SOX6: variants seen among roughly 807,000 people sequenced by gnomAD.
The protein encoded by SOX6 is transcription factor SOX-6.
A neutral mutation model predicts 97.8 loss-of-function variants in SOX6; 11 were observed. The ratio of observed to expected loss-of-function variants is 0.11; its 90% CI spans 0.07 to 0.19. The LOEUF (loss-of-function observed/expected upper bound fraction) is 0.19, where lower values mean the gene tolerates loss of function less well. SOX6 is among the 10% of genes least tolerant of loss of function. The pLI is 1.00. For missense variants in SOX6, 810 were observed against 1,039.5 expected (o/e 0.78, Z 3.04); for synonymous variants, 360 against 371.4 (o/e 0.97, Z 0.35).
chr11:16,114,514 T>C (rs1211260468), intron 6 of SOX6, among the ~76,000 whole-genome samples: 2 of 152,340 alleles, frequency 1.3e-5, no homozygotes, highest in East Asian at 3.9e-4. Context: ...CTTTCTTATA[T>C]GGTTTGCATA....
At chr11:16,234,445 A>G in intron 4 of SOX6, 137 bp downstream of exon 4, 1 of 561,280 alleles carries the variant, frequency 1.8e-6, no homozygotes, top group East Asian at 3.2e-5. Flanking sequence ...AGAAACCTAT[A>G]ATATTCACCC....
chr11:16,267,599 T>G (rs762172476), intron 3 of SOX6, among the ~76,000 whole-genome samples: 1 of 151,564 alleles, frequency 6.6e-6, no homozygotes, highest in Non-Finnish European at 1.5e-5. Context: ...TTAGTGGGTA[T>G]GTAAGTTAGT....
chr11:16,023,613 C>T lies in SOX6; in HGVS notation c.1624-8563G>A, dbSNP rs145113308. ...ATTATTATCACTAGAAAGGGCTCTC[C>T]AAGAAGAATTTTCCCTAAAATCTGA... On this transcript the variant is annotated intron_variant, in intron 12 of 15. Transcript: ENST00000683767. Among the ~76,000 whole-genome samples, 7 of 152,170 alleles carry T rather than the reference C, an allele frequency of 4.6e-5. No individual in the cohort carries two copies. The East Asian group carries it at 1.4e-3, about 29-fold the overall frequency.
chr11:16,525,341 A>C (rs1259810369), intron 4 of SOX6, among the ~76,000 whole-genome samples: 1 of 150,580 alleles, frequency 6.6e-6, no homozygotes. Flanking sequence ...ATCTACAACT[A>C]TCTGATCTTT....
chr11:16,376,460 T>A (rs1443382750), intron 1 of SOX6, among the ~76,000 whole-genome samples: 1 of 152,078 alleles, frequency 6.6e-6, no homozygotes, highest in Non-Finnish European at 1.5e-5. Flanking sequence ...CAAGACATAA[T>A]CCATGCATGT....
intron 4 of SOX6, among the ~76,000 whole-genome samples, chr11:16,201,973 T>G (rs1286946854): frequency 1.3e-5 from 2 of 152,128 alleles, no homozygotes; most frequent in African/African-American, 4.8e-5. Flanking sequence ...TTAAAATTCA[T>G]AGAAATAATA....
At chr11:16,469,813 A>G (rs1860107378) in intron 1 of SOX6, among the ~76,000 whole-genome samples, 2 of 152,092 alleles carry the variant, frequency 1.3e-5, no homozygotes. Flanking sequence ...AGCACTATTA[A>G]AAATATTTTT....
chr11:16,340,117 TTAAA>T (rs1355190190), intron 2 of SOX6, among the ~76,000 whole-genome samples: 1 of 152,086 alleles, frequency 6.6e-6, no homozygotes, highest in African/African-American at 2.4e-5. Flanking sequence ...AAATAAGAAT[TTAAA>T]TATGTGTTAT....
In SOX6 at chr11:16,608,940, A is replaced by G. The variant is rs539724697; in HGVS notation, n.609+3141T>C. On this transcript the variant is annotated intron_variant and non_coding_transcript_variant, in intron 4 of 5. Coordinates refer to the SOX6 transcript ENST00000524520. ...AAAACAGTTTCAGTCACCCAGGATG[A>G]CATATAAAAATGCCTAAGTCAGATG... Among the ~76,000 whole-genome samples, 14 of 152,318 alleles carry G rather than the reference A, an allele frequency of 9.2e-5. 1 individual carries two copies. In the South Asian group the frequency reaches 2.7e-3, roughly 29 times the overall value.
chr11:16,230,802 A>G (rs1852825148), intron 4 of SOX6, among the ~76,000 whole-genome samples: 2 of 151,758 alleles, frequency 1.3e-5, no homozygotes, highest in Non-Finnish European at 3.0e-5. Context: ...AAGGATACTA[A>G]AGTTACAGTG....
intron 3 of SOX6, among the ~76,000 whole-genome samples, chr11:16,662,367 A>G (rs1213971855): frequency 6.6e-6 from 1 of 152,172 alleles, no homozygotes; most frequent in Non-Finnish European, 1.5e-5. Flanking sequence ...AAAGAATTCA[A>G]TGTAATTCTT....
chr11:16,139,333 T>C (rs1284579436), intron 6 of SOX6, among the ~76,000 whole-genome samples: 1 of 152,236 alleles, frequency 6.6e-6, no homozygotes, highest in East Asian at 1.9e-4. Flanking sequence ...ATTATTACTA[T>C]GATGGTTGCC....
At chr11:16,302,896 T>C (rs1325752425) in intron 3 of SOX6, among the ~76,000 whole-genome samples, 1 of 152,104 alleles carries the variant, frequency 6.6e-6, no homozygotes, top group Non-Finnish European at 1.5e-5. Context: ...CAACACAGCA[T>C]TTTATAGCTT....
intron 10 of SOX6, among the ~76,000 whole-genome samples, chr11:16,055,288 G>A (rs192787919): frequency 2.0e-4 from 31 of 151,980 alleles, no homozygotes; most frequent in African/African-American, 6.3e-4. Flanking sequence ...TTGAATGAGA[G>A]ATCTTCATCA....
chr11:16,318,140 A>G, intron 3 of SOX6: 1 of 407,050 alleles, frequency 2.5e-6, no homozygotes, highest in Non-Finnish European at 4.5e-6. Flanking sequence ...TGAAAAATAA[A>G]GTTGCAGTTA....
intron 3 of SOX6, among the ~76,000 whole-genome samples, chr11:16,649,964 A>G (rs969972432): frequency 6.6e-6 from 1 of 152,238 alleles, no homozygotes; most frequent in Non-Finnish European, 1.5e-5. Context: ...AATGAAAACC[A>G]AAAGTGAGCA....
At chr11:16,734,026 CAAAAAAAAAA>C (rs912566097) in intron 2 of SOX6, among the ~76,000 whole-genome samples, 4 of 64,926 alleles carry the variant, frequency 6.2e-5, no homozygotes, top group African/African-American at 2.1e-4. Context: ...GACTTTGTCT[CAAAAAAAAAA>C]AAAAAAAAAG....
chr11:16,001,025 T>C (rs949390028), intron 13 of SOX6, among the ~76,000 whole-genome samples: 10 of 151,340 alleles, frequency 6.6e-5, no homozygotes, highest in African/African-American at 2.4e-4. Context: ...CCCAGCTAAT[T>C]TTTTTTTATT....
At chr11:16,507,490 G>C (rs1329088059) in intron 4 of SOX6, among the ~76,000 whole-genome samples, 1 of 152,048 alleles carries the variant, frequency 6.6e-6, no homozygotes, top group East Asian at 1.9e-4. Context: ...AAAAGCTCAA[G>C]GCATAATGCT....
Sources: allele counts gnomAD v4.1 joint callset (sites outside exome capture counted in the v4.1 genomes callset), GRCh38; gene constraint gnomAD v4.1.1; transcripts MANE v1.5; gene names NCBI Gene and HGNC (gene_info 2026-07-23, HGNC 2026-07-21).